GRIP1: variants seen among roughly 807,000 people sequenced by gnomAD.
GRIP1 encodes glutamate receptor interacting protein 1.
GRIP1 carries 45 observed loss-of-function variants against 129.9 expected under a neutral mutation model. The ratio of observed to expected loss-of-function variants is 0.35; its 90% CI spans 0.27 to 0.44. The LOEUF (loss-of-function observed/expected upper bound fraction) is 0.44, where lower values mean the gene tolerates loss of function less well. Among genes scored for constraint, GRIP1 ranks in the 20% least tolerant of loss-of-function variants. The pLI is 1.00. For missense variants in GRIP1, 1,196 were observed against 1,396.8 expected (o/e 0.86, Z 2.29); for synonymous variants, 530 against 520.8 (o/e 1.02, Z -0.24).
chr12:66,601,644 C>A (rs938396881), intron 1 of GRIP1, among the ~76,000 whole-genome samples: 11 of 152,106 alleles, frequency 7.2e-5, no homozygotes, highest in African/African-American at 2.4e-4. Flanking sequence ...GCCAGCAGAC[C>A]CCCTTAACAT....
At chr12:66,527,069 C>T (rs1485708412) in intron 5 of GRIP1, among the ~76,000 whole-genome samples, 1 of 145,842 alleles carries the variant, frequency 6.9e-6, no homozygotes, top group African/African-American at 2.6e-5. Context: ...CATTTTTACA[C>T]TGTTGGTGGG....
At chr12:66,655,806 T>C (rs2033121920) in intron 1 of GRIP1, among the ~76,000 whole-genome samples, 3 of 151,960 alleles carry the variant, frequency 2.0e-5, no homozygotes, top group Non-Finnish European at 4.4e-5. Flanking sequence ...AGAGACGGGG[T>C]TTCACCGTGG....
intron 1 of GRIP1, among the ~76,000 whole-genome samples, chr12:66,643,705 A>ACCC (rs2032125716): frequency 3.3e-5 from 5 of 152,016 alleles, no homozygotes; most frequent in Admixed American, 6.6e-5. Flanking sequence ...CTGGGATTAC[A>ACCC]AGTGTGCACC....
At chr12:66,772,379 A>G (rs575970451) in intron 1 of GRIP1, among the ~76,000 whole-genome samples, 3 of 151,496 alleles carry the variant, frequency 2.0e-5, no homozygotes, top group African/African-American at 7.4e-5. Flanking sequence ...CCCAAATGAC[A>G]GTGCAGGGAG....
At chr12:66,890,119 G>C (rs1462234888) in intron 1 of GRIP1, among the ~76,000 whole-genome samples, 1 of 152,058 alleles carries the variant, frequency 6.6e-6, no homozygotes, top group African/African-American at 2.4e-5. Flanking sequence ...AGTAGAGACA[G>C]GGTCTCACTA....
chr12:67,057,844 T>C (rs962317470), intron 1 of GRIP1, among the ~76,000 whole-genome samples: 2 of 152,354 alleles, frequency 1.3e-5, no homozygotes, highest in South Asian at 2.1e-4. Flanking sequence ...ACTAAACTTA[T>C]ATTGCCTTGT....
intron 4 of GRIP1, among the ~76,000 whole-genome samples, chr12:66,533,869 A>T (rs1160007552): frequency 7.0e-6 from 1 of 142,032 alleles, no homozygotes; most frequent in East Asian, 2.0e-4. Context: ...ACACTCACAC[A>T]CACACACACA....
intron 1 of GRIP1, among the ~76,000 whole-genome samples, chr12:66,892,359 TTCCAGAGAGAAC>T: frequency 6.6e-6 from 1 of 152,304 alleles, no homozygotes; most frequent in African/African-American, 2.4e-5. Context: ...TCAACATAAC[TTCCAGAGAGAAC>T]CTTTTTTAAA....
intron 1 of GRIP1, among the ~76,000 whole-genome samples, chr12:66,678,569 C>T (rs2136270901): frequency 6.6e-6 from 1 of 152,046 alleles, no homozygotes; most frequent in Middle Eastern, 3.4e-3. Context: ...AACTTCAGCA[C>T]CGGACCCAAA....
In GRIP1 at chr12:66,457,427, C is replaced by T. The variant is rs948411416; in HGVS notation, c.1043-1085G>A. ...GCACTACAGGCCCACGCCACCACAC[C>T]CAGCTAATTTTTTATTATTTTATTT... On this transcript the variant is annotated intron_variant, in intron 9 of 24. Coordinates refer to ENST00000359742, the MANE Select transcript of GRIP1 (RefSeq NM_001366722.1). 3.3e-5 allele frequency among the ~76,000 whole-genome samples: 5 copies of T among 152,264 alleles called. No homozygotes were observed. The East Asian group carries it at 9.6e-4, about 29-fold the overall frequency.
At chr12:67,022,481 G>A (rs765964888) in intron 1 of GRIP1, among the ~76,000 whole-genome samples, 77 of 152,080 alleles carry the variant, frequency 5.1e-4, no homozygotes, top group Non-Finnish European at 1.0e-3. Flanking sequence ...GATTTAGTAG[G>A]TAAAATTTTA....
At chr12:66,661,491 A>C (rs1350098906) in intron 1 of GRIP1, among the ~76,000 whole-genome samples, 2 of 144,862 alleles carry the variant, frequency 1.4e-5, no homozygotes, top group African/African-American at 5.6e-5. Flanking sequence ...GGGAGATGGG[A>C]AAAAAAATAA....
intron 1 of GRIP1, among the ~76,000 whole-genome samples, chr12:66,797,650 G>C (rs1028018859): frequency 2.0e-5 from 3 of 152,076 alleles, no homozygotes; most frequent in African/African-American, 4.8e-5. Context: ...TTCCAAATAA[G>C]AGCTTACCAA....
intron 2 of GRIP1, among the ~76,000 whole-genome samples, chr12:66,545,604 T>G (rs909369338): frequency 3.3e-5 from 5 of 152,272 alleles, no homozygotes; most frequent in African/African-American, 1.2e-4. Flanking sequence ...TTAGAATAAA[T>G]GAAAAGGCAT....
intron 5 of GRIP1, among the ~76,000 whole-genome samples, chr12:66,525,263 T>C (rs1312170333): frequency 6.6e-6 from 1 of 152,204 alleles, no homozygotes; most frequent in Non-Finnish European, 1.5e-5. Flanking sequence ...TTGATGAACA[T>C]TGATGCAAAA....
chr12:66,440,619 C>T (rs1474192601), intron 13 of GRIP1, among the ~76,000 whole-genome samples: 14 of 152,172 alleles, frequency 9.2e-5, no homozygotes, highest in Admixed American at 8.5e-4. Flanking sequence ...AGGTCTTCTA[C>T]CTTCTGTCCT....
intron 1 of GRIP1, 83 bp downstream of exon 1, chr12:66,678,767 T>C (rs2136271640): frequency 7.9e-7 from 1 of 1,264,380 alleles, no homozygotes; most frequent in South Asian, 1.2e-5. Flanking sequence ...AAGGCAGTCA[T>C]ATTTGAAAGT....
intron 1 of GRIP1, among the ~76,000 whole-genome samples, chr12:66,677,030 G>T (rs935704029): frequency 3.4e-4 from 52 of 152,114 alleles, no homozygotes; most frequent in African/African-American, 1.3e-3. Flanking sequence ...CCCAATTATG[G>T]CAAATTGATT....
At chr12:66,353,207 G>A (rs753230398) in intron 24 of GRIP1, among the ~76,000 whole-genome samples, 1 of 152,124 alleles carries the variant, frequency 6.6e-6, no homozygotes. Context: ...AAAAAAACTG[G>A]TAAGAAACCA....
Sources: gnomAD v4.1 joint callset for allele counts (sites outside exome capture counted in the v4.1 genomes callset) on GRCh38, gnomAD v4.1.1 for gene constraint, MANE v1.5 for transcripts, NCBI Gene and HGNC (gene_info 2026-07-23, HGNC 2026-07-21) for gene names.